The following USP24 variants were observed in gnomAD, a reference collection of about 807,000 sequenced individuals.
The protein encoded by USP24 is ubiquitin carboxyl-terminal hydrolase 24.
USP24 carries 97 observed loss-of-function variants against 361.6 expected under a neutral mutation model. That is an observed-to-expected ratio of 0.27 (90% CI 0.23 to 0.32). The LOEUF is 0.32. Ranked by LOEUF, USP24 falls within the 10% of genes least tolerant of loss-of-function variation. The pLI is 1.00. For missense variants in USP24, 2,353 were observed against 3,165.6 expected (o/e 0.74, Z 6.16); for synonymous variants, 1,098 against 1,124.6 (o/e 0.98, Z 0.47).
chr1:55,200,497 T>C (rs971292237), intron 1 of USP24, among the ~76,000 whole-genome samples: 7 of 152,214 alleles, frequency 4.6e-5, no homozygotes, highest in Non-Finnish European at 7.3e-5. Context: ...ACCATACTAC[T>C]GTTTCTTTCC....
At chr1:55,181,529 T>C (rs1370538269) in intron 1 of USP24, among the ~76,000 whole-genome samples, 2 of 152,226 alleles carry the variant, frequency 1.3e-5, no homozygotes, top group Admixed American at 6.5e-5. Context: ...TCTGCACACA[T>C]GTGAAATGCT....
intron 38 of USP24, among the ~76,000 whole-genome samples, chr1:55,117,415 G>A (rs993817104): frequency 2.0e-5 from 3 of 152,158 alleles, no homozygotes; most frequent in Non-Finnish European, 2.9e-5. Flanking sequence ...ACTATATATG[G>A]AAAGCCCTAA....
intron 28 of USP24, among the ~76,000 whole-genome samples, chr1:55,135,927 C>A (rs971811687): frequency 6.6e-6 from 1 of 152,098 alleles, no homozygotes; most frequent in Non-Finnish European, 1.5e-5. Flanking sequence ...TTCATGAAGT[C>A]ATTGAAATAT....
chr1:55,068,931 C>A lies in USP24; in HGVS notation c.*114G>T. The A allele has an allele frequency of 8.8e-7, 1 of 1,130,568 alleles. No individual in the cohort carries two copies. Among genetic ancestry groups the A allele is most frequent in the African/African-American group, 1.6e-5 (1 of 64,512 alleles). 70.0% of individuals were successfully genotyped at this position (1,130,568 alleles called of 1,614,324 possible). ...AATACACGATCCGCCCAAGTCACAG[C>A]AGCTTTCCCAGTCCAATCTCCAGGC... On this transcript the variant is annotated 3_prime_UTR_variant, in exon 68 of 68. Transcript: ENST00000294383.
At chr1:55,075,949 G>A in intron 62 of USP24, among the ~76,000 whole-genome samples, 1 of 152,006 alleles carries the variant, frequency 6.6e-6, no homozygotes, top group East Asian at 1.9e-4. Flanking sequence ...GCAACAGAGG[G>A]AGACTCTGTC....
intron 23 of USP24, 43 bp downstream of exon 23, chr1:55,142,699 A>T: frequency 7.9e-7 from 1 of 1,272,380 alleles, no homozygotes; most frequent in Non-Finnish European, 1.1e-6. Flanking sequence ...AAAGAAAAAA[A>T]GCATTTACCT....
chr1:55,129,452 T>G (rs781701545), intron 32 of USP24, 25 bp downstream of exon 32: 1 of 1,602,480 alleles, frequency 6.2e-7, no homozygotes, highest in Non-Finnish European at 8.5e-7. Context: ...CGGCAACTCA[T>G]GTAACATTAC....
intron 38 of USP24, among the ~76,000 whole-genome samples, chr1:55,117,165 C>T (rs1043264947): frequency 1.3e-5 from 2 of 152,106 alleles, no homozygotes; most frequent in Non-Finnish European, 2.9e-5. Context: ...TAACAAACTA[C>T]AAATAGAAGG....
intron 44 of USP24, among the ~76,000 whole-genome samples, chr1:55,100,352 C>A (rs891771637): frequency 6.6e-6 from 1 of 152,028 alleles, no homozygotes; most frequent in Non-Finnish European, 1.5e-5. Flanking sequence ...CAAAATTAGC[C>A]GGGCATGGGG....
At chr1:55,186,415 C>T (rs1035569085) in intron 1 of USP24, among the ~76,000 whole-genome samples, 5 of 152,182 alleles carry the variant, frequency 3.3e-5, no homozygotes, top group African/African-American at 9.7e-5. Flanking sequence ...AGCAACTCTA[C>T]TGGATACACA....
chr1:55,208,994 T>C lies in USP24; in HGVS notation c.324+5796A>G, dbSNP rs940886432. Among the ~76,000 whole-genome samples, 4 of 151,992 alleles carry C rather than the reference T, an allele frequency of 2.6e-5. No homozygotes were observed. The East Asian group carries it at 7.7e-4, about 29-fold the overall frequency. On this transcript the variant is annotated intron_variant, in intron 1 of 67. Transcript: ENST00000294383. Reference sequence around the variant, plus strand: ...ATGTCACCTACTATCAATATGAGCTTAACGAAAATTTTTATGTCAGTTGTG... The same window carrying C: ...ATGTCACCTACTATCAATATGAGCTCAACGAAAATTTTTATGTCAGTTGTG...
At chr1:55,125,844 T>C in intron 32 of USP24, 86 bp from the exon 33 acceptor site, 1 of 1,087,634 alleles carries the variant, frequency 9.2e-7, no homozygotes, top group Non-Finnish European at 1.3e-6. Context: ...TAATCAGTCA[T>C]CATCAATTAC....
chr1:55,097,889 G>A (rs976187180), intron 47 of USP24, 54 bp downstream of exon 47: 10 of 1,547,804 alleles, frequency 6.5e-6, no homozygotes, highest in African/African-American at 4.1e-5. Flanking sequence ...AAACAAAGAC[G>A]CACTATGCGA....
intron 42 of USP24, 103 bp downstream of exon 42, chr1:55,103,773 C>T (rs964988936): frequency 5.3e-6 from 7 of 1,314,290 alleles, no homozygotes; most frequent in African/African-American, 3.0e-5. Context: ...AATAGTAATA[C>T]TGACTTTCTT....
At chr1:55,123,350 C>T (rs1646336529) in intron 36 of USP24, 97 bp downstream of exon 36, 4 of 1,349,238 alleles carry the variant, frequency 3.0e-6, no homozygotes, top group African/African-American at 1.5e-5. Context: ...TTCATTTTGA[C>T]CAATGGGACC....
chr1:55,196,763 C>T (rs1644429898), intron 1 of USP24, among the ~76,000 whole-genome samples: 1 of 152,186 alleles, frequency 6.6e-6, no homozygotes, highest in South Asian at 2.1e-4. Flanking sequence ...CCTTCGATGC[C>T]TTTGTTCCTA....
intron 7 of USP24, among the ~76,000 whole-genome samples, chr1:55,162,689 T>G (rs1648416481): frequency 6.6e-6 from 1 of 152,154 alleles, no homozygotes; most frequent in African/African-American, 2.4e-5. Flanking sequence ...GGAGACACCA[T>G]GTTTCTAAAT....
chr1:55,095,832 G>A (rs1645484502), intron 50 of USP24, among the ~76,000 whole-genome samples: 1 of 152,258 alleles, frequency 6.6e-6, no homozygotes, highest in East Asian at 1.9e-4. Context: ...ACTCTTAAAG[G>A]TTACCACCAT....
chr1:55,085,006 C>T (rs1645222110), intron 56 of USP24, among the ~76,000 whole-genome samples: 1 of 152,166 alleles, frequency 6.6e-6, no homozygotes, highest in Admixed American at 6.6e-5. Context: ...TAGAAACTTC[C>T]ACAGGGAATG....
Sources: allele counts gnomAD v4.1 joint callset (sites outside exome capture counted in the v4.1 genomes callset), GRCh38; gene constraint gnomAD v4.1.1; transcripts MANE v1.5; gene names NCBI Gene and HGNC (gene_info 2026-07-23, HGNC 2026-07-21).